The following ZNF536 variants were observed in gnomAD, a reference collection of about 807,000 sequenced individuals.
ZNF536 encodes the protein zinc finger protein 536.
ZNF536 carries 13 observed loss-of-function variants against 84.5 expected under a neutral mutation model. The ratio of observed to expected loss-of-function variants is 0.15; its 90% confidence interval spans 0.10 to 0.24. The LOEUF is 0.24. Ranked by LOEUF, ZNF536 falls within the 10% of genes least tolerant of loss-of-function variation. The pLI is 1.00. For synonymous variants in ZNF536, 811 were observed against 742.5 expected (o/e 1.09, Z -1.50); for missense variants, 1,536 against 1,747.5 (o/e 0.88, Z 2.16).
rs1477616245 is a variant in ZNF536 at position 30,264,512 on chromosome 19, G to A, written c.-189-19560G>A. Among the ~76,000 whole-genome samples, 3 of 152,092 alleles carry A rather than the reference G, an allele frequency of 2.0e-5. No homozygotes were observed. The East Asian group carries it at 5.8e-4, about 29-fold the overall frequency. On this transcript the variant is annotated intron_variant, in intron 1 of 5. Transcript: ENST00000585628. ...GTTTCAAGTTCTGAAATATTTATAG[G>A]AAAGCTTTGGATTTTGTATATGTTA...
At chr19:30,243,260 T>C (rs2024060909) in intron 1 of ZNF536, among the ~76,000 whole-genome samples, 1 of 152,194 alleles carries the variant, frequency 6.6e-6, no homozygotes, top group Admixed American at 6.5e-5. Context: ...TTGGCAATTG[T>C]CCACTCATTA....
At chr19:30,404,504 C>T (rs1416337211) in intron 1 of ZNF536, among the ~76,000 whole-genome samples, 2 of 152,136 alleles carry the variant, frequency 1.3e-5, no homozygotes, top group African/African-American at 4.8e-5. Context: ...CCTCTCTGTG[C>T]CTCAGTTTCC....
chr19:30,516,224 C>T (rs1459865814), intron 2 of ZNF536, among the ~76,000 whole-genome samples: 1 of 152,046 alleles, frequency 6.6e-6, no homozygotes, highest in African/African-American at 2.4e-5. Flanking sequence ...CTAGGTACCT[C>T]ACCACAAGAT....
At chr19:30,556,262 T>G (rs1321712944) in intron 4 of ZNF536, 1 of 152,244 alleles carries the variant, frequency 6.6e-6, no homozygotes, top group Non-Finnish European at 1.5e-5. Flanking sequence ...TGTGAGTTAA[T>G]GCAAATCACC....
At chr19:30,683,060 A>G (rs1158326809) in intron 1 of ZNF536, among the ~76,000 whole-genome samples, 4 of 152,146 alleles carry the variant, frequency 2.6e-5, no homozygotes, top group Non-Finnish European at 5.9e-5. Context: ...CCCCTGATTC[A>G]ACTTGCCCTC....
intron 1 of ZNF536, among the ~76,000 whole-genome samples, chr19:30,391,994 C>CA (rs1198102121): frequency 2.0e-5 from 3 of 152,008 alleles, no homozygotes; most frequent in South Asian, 2.1e-4. Context: ...TCACCCCCGC[C>CA]AAAAAAAGTG....
In ZNF536 at chr19:30,681,619, C is replaced by T. The variant is rs1032091806; in HGVS notation, c.170-29138C>T. 3.9e-5 allele frequency among the ~76,000 whole-genome samples: 6 copies of T among 152,220 alleles called. No homozygotes were observed. In the South Asian group the frequency reaches 1.2e-3, roughly 31 times the overall value. On this transcript the variant is annotated intron_variant, in intron 1 of 1. Coordinates refer to the ZNF536 transcript ENST00000592773. Reference sequence around the variant, plus strand: ...CTAGCACTTAGGGCAGCTCTCTGCCCAGCAGATACTGGTGGCGTTGATCCT... The same window carrying T: ...CTAGCACTTAGGGCAGCTCTCTGCCTAGCAGATACTGGTGGCGTTGATCCT...
chr19:30,635,548 G>T (rs562882306), intron 1 of ZNF536, among the ~76,000 whole-genome samples: 1 of 152,274 alleles, frequency 6.6e-6, no homozygotes, highest in East Asian at 1.9e-4. Context: ...CTCTGGCCAG[G>T]AGCAAGGGCT....
intron 1 of ZNF536, among the ~76,000 whole-genome samples, chr19:30,258,627 G>A (rs1205385407): frequency 6.6e-6 from 1 of 152,078 alleles, no homozygotes; most frequent in Non-Finnish European, 1.5e-5. Flanking sequence ...TTACAAATGT[G>A]TATGTTTGTG....
At chr19:30,389,284 A>G (rs1326615265) in intron 1 of ZNF536, among the ~76,000 whole-genome samples, 1 of 152,170 alleles carries the variant, frequency 6.6e-6, no homozygotes, top group Non-Finnish European at 1.5e-5. Flanking sequence ...ATACTCGTGT[A>G]TAGGGTACAT....
chr19:30,512,233 G>A (rs2055442449), intron 2 of ZNF536, among the ~76,000 whole-genome samples: 1 of 152,118 alleles, frequency 6.6e-6, no homozygotes, highest in South Asian at 2.1e-4. Context: ...TCCAATGCCT[G>A]CAAAATTGTT....
At chr19:30,272,510 G>A (rs1196408868) in intron 1 of ZNF536, among the ~76,000 whole-genome samples, 1 of 152,026 alleles carries the variant, frequency 6.6e-6, no homozygotes, top group Non-Finnish European at 1.5e-5. Context: ...ATTATGACTT[G>A]TATCCATCAT....
chr19:30,677,729 G>T (rs767968711), intron 1 of ZNF536, among the ~76,000 whole-genome samples: 1 of 152,210 alleles, frequency 6.6e-6, no homozygotes, highest in Non-Finnish European at 1.5e-5. Flanking sequence ...TGCGATTTTT[G>T]TCTTTCCTGG....
chr19:30,304,286 A>T (rs1424637527), intron 2 of ZNF536, among the ~76,000 whole-genome samples: 1 of 152,224 alleles, frequency 6.6e-6, no homozygotes, highest in Non-Finnish European at 1.5e-5. Flanking sequence ...GGCGCAGACG[A>T]AGGCCAGTTC....
Position 30,614,942 on chromosome 19 carries a change from A to ATTTTTTTTTTTTTTTTTTTTT in ZNF536, c.169+65430_169+65450dup. 1.3e-3 allele frequency among the ~76,000 whole-genome samples: 41 copies of ATTTTTTTTTTTTTTTTTTTTT among 32,310 alleles called. 6 individuals carry two copies. Among genetic ancestry groups the ATTTTTTTTTTTTTTTTTTTTT allele is most frequent in the African/African-American group, 1.5e-3 (12 of 8,046 alleles). The allele number at this position is 32,310 out of a possible 152,430, so 21.2% of individuals were successfully genotyped here. A position where few individuals can be genotyped will look rare whatever the true frequency, so the allele number is the denominator to read the frequency against. Reference sequence around the variant, plus strand: ...TTTTCTTTTATTCTCCCCCTTTTCAATTTTTTTTTTTTTTTTTTTTTTGAG... The same window carrying ATTTTTTTTTTTTTTTTTTTTT: ...TTTTCTTTTATTCTCCCCCTTTTCAATTTTTTTTTTTTTTTTTTTTTTTTTTTTTTTTTTTTTTTTTTTGAG... On this transcript the variant is annotated intron_variant, in intron 1 of 1. Transcript: ENST00000592773.
At chr19:30,322,948 G>A (rs1056300630) in intron 2 of ZNF536, among the ~76,000 whole-genome samples, 3 of 152,208 alleles carry the variant, frequency 2.0e-5, no homozygotes, top group African/African-American at 7.2e-5. Context: ...GTTCCTTAGG[G>A]GAAGCACACC....
At chr19:30,547,521 T>G (rs1446400021) in intron 3 of ZNF536, among the ~76,000 whole-genome samples, 1 of 152,214 alleles carries the variant, frequency 6.6e-6, no homozygotes. Flanking sequence ...TAAAAATGGT[T>G]TCCATGTGTA....
intron 1 of ZNF536, among the ~76,000 whole-genome samples, chr19:30,245,154 AC>A (rs2024182965): frequency 6.6e-6 from 1 of 151,742 alleles, no homozygotes; most frequent in African/African-American, 2.4e-5. Flanking sequence ...TCTGCATGGG[AC>A]CCCCTCATCC....
intron 2 of ZNF536, among the ~76,000 whole-genome samples, chr19:30,530,404 C>G (rs1294892179): frequency 2.6e-5 from 4 of 152,016 alleles, no homozygotes; most frequent in African/African-American, 9.7e-5. Context: ...TGGAGTGCAG[C>G]AGTATGATCT....
Sources: allele counts gnomAD v4.1 joint callset (sites outside exome capture counted in the v4.1 genomes callset), GRCh38; gene constraint gnomAD v4.1.1; transcripts MANE v1.5; gene names NCBI Gene and HGNC (gene_info 2026-07-23, HGNC 2026-07-21).